NREP: variants seen among roughly 807,000 people sequenced by gnomAD.
NREP encodes the protein neuronal regeneration-related protein.
A neutral mutation model predicts 8.6 loss-of-function variants in NREP; 5 were observed. That is an observed-to-expected ratio of 0.58 (90% confidence interval 0.30 to 1.22). The LOEUF is 1.22. Among genes scored for constraint, NREP ranks in the 50% most tolerant of loss-of-function variants. NREP has a pLI of 0.07. For synonymous variants in NREP, 27 were observed against 28.0 expected, an observed-to-expected ratio of 0.96 and a Z score of 0.11; for missense variants, 86 against 82.5, an observed-to-expected ratio of 1.04 and a Z score of -0.17.
intron 2 of NREP, among the ~76,000 whole-genome samples, chr5:111,920,432 C>G (rs1220451540): frequency 6.6e-6 from 1 of 152,048 alleles, no homozygotes; most frequent in Non-Finnish European, 1.5e-5. Flanking sequence ...CATGCATTAG[C>G]TATTTGTCTT....
intron 2 of NREP, among the ~76,000 whole-genome samples, chr5:111,953,366 T>G (rs1326631321): frequency 2.0e-5 from 3 of 152,150 alleles, no homozygotes; most frequent in Non-Finnish European, 4.4e-5. Flanking sequence ...GAACACTCTA[T>G]GCCTGGGTTT....
chr5:111,778,116 G>T (rs775670455), intron 2 of NREP, among the ~76,000 whole-genome samples: 1 of 152,146 alleles, frequency 6.6e-6, no homozygotes, highest in Non-Finnish European at 1.5e-5. Flanking sequence ...CATACACACA[G>T]GCACACATCA....
chr5:111,804,257 C>T (rs927638785), intron 2 of NREP, among the ~76,000 whole-genome samples: 1 of 152,110 alleles, frequency 6.6e-6, no homozygotes, highest in Non-Finnish European at 1.5e-5. Context: ...CGATAAAGGT[C>T]ACATTTCAAA....
At chr5:111,919,873 A>G (rs75518501) in intron 2 of NREP, among the ~76,000 whole-genome samples, 949 of 74,118 alleles carry the variant, frequency 0.013, 14 homozygotes, top group African/African-American at 0.042. Flanking sequence ...AAGAGAGAGA[A>G]AGAAAGAAAG....
chr5:111,762,031 C>A (rs1210182737), upstream of NREP, among the ~76,000 whole-genome samples: 1 of 151,856 alleles, frequency 6.6e-6, no homozygotes, highest in African/African-American at 2.4e-5. Flanking sequence ...GAAATGAGTT[C>A]AATTTCAGAG....
chr5:111,938,636 G>A (rs899954959), intron 2 of NREP, among the ~76,000 whole-genome samples: 3 of 151,944 alleles, frequency 2.0e-5, no homozygotes, highest in Non-Finnish European at 4.4e-5. Flanking sequence ...AACCTATGCC[G>A]GGGATAATAT....
chr5:111,811,739 G>T (rs1444628922), intron 2 of NREP, among the ~76,000 whole-genome samples: 1 of 152,106 alleles, frequency 6.6e-6, no homozygotes, highest in Non-Finnish European at 1.5e-5. Flanking sequence ...CTCAGATGTG[G>T]TTGCAGGTTT....
intron 2 of NREP, among the ~76,000 whole-genome samples, chr5:111,809,870 C>CCT (rs1554100502): frequency 1.4e-5 from 2 of 144,114 alleles, no homozygotes; most frequent in Non-Finnish European, 3.0e-5. Flanking sequence ...GGGACTTTGG[C>CCT]GTGTGTGTGT....
intron 2 of NREP, among the ~76,000 whole-genome samples, chr5:111,875,217 C>T (rs1035706142): frequency 3.9e-5 from 6 of 151,964 alleles, no homozygotes; most frequent in South Asian, 2.1e-4. Context: ...TTTTATCTTT[C>T]TAAAAGTTCC....
intron 2 of NREP, among the ~76,000 whole-genome samples, chr5:111,962,213 T>C (rs1756499465): frequency 6.6e-6 from 1 of 152,204 alleles, no homozygotes; most frequent in Non-Finnish European, 1.5e-5. Context: ...TCCTTTCCTA[T>C]GCTTTATTTT....
intron 2 of NREP, among the ~76,000 whole-genome samples, chr5:111,820,678 A>C (rs1752496604): frequency 6.6e-6 from 1 of 152,180 alleles, no homozygotes; most frequent in Non-Finnish European, 1.5e-5. Context: ...TTTCATATTT[A>C]AAAATAAAAA....
chr5:111,841,196 G>A (rs2112948939), intron 2 of NREP, among the ~76,000 whole-genome samples: 1 of 152,264 alleles, frequency 6.6e-6, no homozygotes, highest in East Asian at 1.9e-4. Flanking sequence ...CAGACTCTCT[G>A]AAGAACTATA....
At chr5:111,942,624 C>T (rs576848707) in intron 2 of NREP, among the ~76,000 whole-genome samples, 6 of 151,976 alleles carry the variant, frequency 3.9e-5, no homozygotes, top group African/African-American at 1.2e-4. Context: ...TCTTTAAAGA[C>T]TTCTAAAGCA....
chr5:111,916,270 G>T (rs1313819597), intron 2 of NREP, among the ~76,000 whole-genome samples: 4 of 151,928 alleles, frequency 2.6e-5, no homozygotes, highest in South Asian at 2.1e-4. Context: ...GAACAAGGTA[G>T]AGAGTTGCAC....
intron 2 of NREP, among the ~76,000 whole-genome samples, chr5:111,810,464 C>T (rs1241197306): frequency 2.0e-5 from 3 of 152,134 alleles, no homozygotes; most frequent in African/African-American, 7.2e-5. Context: ...AGATTGGAAC[C>T]GCCCTTATTT....
At chr5:111,917,443 C>CG (rs1755094454) in intron 2 of NREP, among the ~76,000 whole-genome samples, 1 of 152,034 alleles carries the variant, frequency 6.6e-6, no homozygotes, top group Non-Finnish European at 1.5e-5. Context: ...TGCTGAACAC[C>CG]AATGCAAAAA....
intron 2 of NREP, among the ~76,000 whole-genome samples, chr5:111,847,653 G>C (rs1753215203): frequency 6.6e-6 from 1 of 152,138 alleles, no homozygotes; most frequent in South Asian, 2.1e-4. Flanking sequence ...TGGTCAGCCT[G>C]TGTCTATCTG....
At chr5:111,825,048 T>C (rs941290030) in intron 2 of NREP, among the ~76,000 whole-genome samples, 5 of 152,328 alleles carry the variant, frequency 3.3e-5, no homozygotes, top group South Asian at 2.1e-4. Flanking sequence ...AGTTAAGAAC[T>C]GTGATGTATT....
intron 2 of NREP, among the ~76,000 whole-genome samples, chr5:111,922,369 G>A (rs763590242): frequency 3.9e-5 from 6 of 152,092 alleles, no homozygotes; most frequent in Admixed American, 6.5e-5. Context: ...AGTCCAAAGC[G>A]GGGAATTATT....
Sources: gnomAD v4.1 joint callset for allele counts (sites outside exome capture counted in the v4.1 genomes callset) on GRCh38, gnomAD v4.1.1 for gene constraint, MANE v1.5 for transcripts, NCBI Gene and HGNC (gene_info 2026-07-23, HGNC 2026-07-21) for gene names.